Variants in AVIL observed in about 807,000 individuals in gnomAD.
AVIL encodes advillin.
AVIL carries 78 observed loss-of-function variants against 109.9 expected under a neutral mutation model. The observed-to-expected ratio is 0.71, with a 90% CI of 0.59 to 0.86. The LOEUF (loss-of-function observed/expected upper bound fraction) is 0.86, where lower values mean the gene tolerates loss of function less well. Ranked by LOEUF, AVIL falls within the 40% of genes least tolerant of loss-of-function variation. AVIL has a pLI of 0.00. For missense variants in AVIL, 892 were observed against 1,016.5 expected (o/e 0.88, Z 1.67); for synonymous variants, 367 against 379.1 (o/e 0.97, Z 0.37).
chr12:57,808,663 G>A, intron 9 of AVIL, 115 bp from the exon 10 acceptor site: 1 of 1,262,174 alleles, frequency 7.9e-7, no homozygotes, highest in Non-Finnish European at 1.1e-6. Context: ...CCCTCTGGGA[G>A]TCAGAGTCAA....
chr12:57,810,827 C>T lies in AVIL; in HGVS notation c.547G>A (p.Glu183Lys), dbSNP rs1956026995. The T allele has an allele frequency of 6.2e-7, 1 of 1,614,024 alleles. No individual in the cohort carries two copies. Among genetic ancestry groups the T allele is most frequent in the African/African-American group, 1.3e-5 (1 of 74,922 alleles). The change falls in exon 6 of 20, where the codon GAG becomes AAG. Residue 183 changes from glutamate to lysine, a missense_variant. Glu to Lys is a moderately conservative substitution (Grantham distance 56). Coordinates refer to ENST00000549994, the MANE Select transcript of AVIL (RefSeq NM_006576.4). ...QWNGPESNSG[E>K]RLKAMLLAKD... is the part of the protein sequence containing the mutation. ...CTAGGAAGCCATACCTTCAGGCGCT[C>T]CCCACTGTTGCTCTCTGGGCCATTC...
At chr12:57,815,808 C>A in intron 2 of AVIL, 167 bp downstream of exon 2, 1 of 1,494,590 alleles carries the variant, frequency 6.7e-7, no homozygotes, top group South Asian at 1.3e-5. Context: ...CTGCTTTGAG[C>A]ACCCAGGAGA....
intron 4 of AVIL, among the ~76,000 whole-genome samples, chr12:57,812,387 G>T (rs1040174140): frequency 3.3e-5 from 5 of 151,622 alleles, no homozygotes; most frequent in Non-Finnish European, 7.4e-5. Context: ...GTTTGAGATG[G>T]TGTCTTGCTG....
intron 4 of AVIL, 102 bp from the exon 5 acceptor site, chr12:57,811,229 G>A: frequency 6.4e-6 from 7 of 1,089,924 alleles, no homozygotes; most frequent in Non-Finnish European, 8.2e-6. Context: ...TGTGATGACA[G>A]TACATCAGCA....
At chr12:57,815,521 C>T in intron 2 of AVIL, 1 of 1,170,732 alleles carries the variant, frequency 8.5e-7, no homozygotes, top group Non-Finnish European at 1.1e-6. Flanking sequence ...CACAGAGGGT[C>T]CCAAGCCCAA....
chr12:57,818,395 A>G (rs1405877030), intron 1 of AVIL, among the ~76,000 whole-genome samples: 1 of 149,808 alleles, frequency 6.7e-6, no homozygotes, highest in Non-Finnish European at 1.5e-5. Context: ...CTCTAGGGAT[A>G]GGTGAAAGGG....
intron 19 of AVIL, 112 bp from the exon 20 acceptor site, chr12:57,798,107 G>A (rs1484255717): frequency 8.5e-6 from 5 of 586,306 alleles, no homozygotes; most frequent in South Asian, 2.8e-5. Context: ...GAAGAGGGAA[G>A]TAGAATGAAT....
At chr12:57,807,788 A>T (rs1955973702) in intron 11 of AVIL, 61 bp from the exon 12 acceptor site, 14 of 1,605,426 alleles carry the variant, frequency 8.7e-6, no homozygotes, top group African/African-American at 1.3e-5. Context: ...GCTAGGCCAC[A>T]CTAAAGAGAG....
chr12:57,807,437 TC>T lies in AVIL; in HGVS notation c.1384del (p.Glu462ArgfsTer32). Reference protein sequence around the residue: ...ELAASAYQAVEVDRQFDGAAV... With the variant: ...ELAASAYQAVXVDRQFDGAAV... The stretch of plus-strand genomic sequence containing the variant: ...AGCCCCATCAAACTGCCGATCCACC[TC>T]CACTGCCTGGTATGCTGAGGCTGCC... On this transcript the variant is annotated frameshift_variant, in exon 13 of 20. Coordinates refer to ENST00000549994, the MANE Select transcript of AVIL (RefSeq NM_006576.4). LOFTEE classifies it high-confidence loss of function. 1 of 1,614,206 alleles carries T rather than the reference TC, an allele frequency of 6.2e-7. No individual in the cohort carries two copies. Among genetic ancestry groups the T allele is most frequent in the Non-Finnish European group, 8.5e-7 (1 of 1,180,038 alleles).
At position 57,799,888 on chromosome 12, in the gene AVIL, A is replaced by G; in HGVS notation, c.2253T>C (p.Ser751=). The change falls in exon 19 of 20, where the codon TCT becomes TCC. Residue 751 remains serine, a synonymous_variant. Coordinates refer to ENST00000549994, the MANE Select transcript of AVIL (RefSeq NM_006576.4). The part of the protein sequence containing the change: ...DMKNATLSLN[S]NDSEPKYYPI... ...GGTAATATTTTGGCTCACTGTCATT[A>G]GAATTCAGGGAGAGGGTTGCATTCT... The G allele has an allele frequency of 2.5e-6, 4 of 1,614,222 alleles. No homozygotes were observed. The highest frequency in any genetic ancestry group is 3.4e-6 in the Non-Finnish European group (4 of 1,180,038).
intron 19 of AVIL, among the ~76,000 whole-genome samples, chr12:57,798,620 CTTT>C (rs1337769787): frequency 2.1e-5 from 3 of 140,652 alleles, no homozygotes; most frequent in Admixed American, 7.1e-5. Flanking sequence ...CTTTTCTTTT[CTTT>C]TTTTTTTTTT....
intron 7 of AVIL, 55 bp from the exon 8 acceptor site, chr12:57,809,945 T>C: frequency 6.4e-7 from 1 of 1,562,000 alleles, no homozygotes. Context: ...CATCTTGTAG[T>C]CAACTAGATG....
intron 19 of AVIL, among the ~76,000 whole-genome samples, chr12:57,799,070 AGG>A (rs1267758584): frequency 1.3e-5 from 2 of 152,154 alleles, no homozygotes; most frequent in Non-Finnish European, 2.9e-5. Context: ...ATATTACTAG[AGG>A]GGGAAATAGG....
rs369781732 is a variant in AVIL at position 57,810,350 on chromosome 12, G to C, written c.760C>G (p.His254Asp). Residue 254 changes from histidine (H) to aspartate (D), a missense_variant and splice_region_variant, in exon 7 of 20, where the codon CAT (histidine) becomes GAT (aspartate). His to Asp is a moderately conservative substitution (Grantham distance 81). Transcript: ENST00000549994. ...QKQKSTIMLYHISDSAGQLAV... is the reference protein window; with the variant it reads ...QKQKSTIMLYDISDSAGQLAV... The stretch of plus-strand genomic sequence containing the variant: ...CTAAAACCAGGTTGAGCTACTCACT[G>C]ATACAACATGATAGTTGATTTCTGC... 3 of 1,614,176 alleles carry C rather than the reference G, an allele frequency of 1.9e-6. No individual in the cohort carries two copies. The highest frequency in any genetic ancestry group is 2.5e-6 in the Non-Finnish European group (3 of 1,180,012).
chr12:57,810,402 T>C lies in AVIL; in HGVS notation c.708A>G (p.Thr236=), dbSNP rs779942654. The C allele has an allele frequency of 1.2e-6, 2 of 1,614,218 alleles. No homozygotes were observed. The highest frequency in any genetic ancestry group is 3.3e-5 in the Admixed American group (2 of 60,026). Residue 236 remains threonine, a synonymous_variant, in exon 7 of 20, where the codon ACA becomes ACG. Coordinates refer to ENST00000549994, the MANE Select transcript of AVIL (RefSeq NM_006576.4). ...TLGRRSIIKP[T]VPDEIIDQKQ... is the part of the protein sequence containing the mutation. Reference sequence around the variant, plus strand: ...TCTGATCTATGATCTCATCAGGGACTGTAGGCTTGATAATGGAGCGTCGGC... The same window carrying C: ...TCTGATCTATGATCTCATCAGGGACCGTAGGCTTGATAATGGAGCGTCGGC...
At chr12:57,813,189 C>T in intron 4 of AVIL, 38 bp downstream of exon 4, 1 of 1,564,244 alleles carries the variant, frequency 6.4e-7, no homozygotes, top group Non-Finnish European at 8.7e-7. Context: ...CCTCTGTAAA[C>T]TGCTGTTTCT....
intron 1 of AVIL, among the ~76,000 whole-genome samples, chr12:57,817,349 T>G (rs536958344): frequency 6.7e-6 from 1 of 150,186 alleles, no homozygotes; most frequent in African/African-American, 2.5e-5. Flanking sequence ...AAGCCAAGTT[T>G]GGAGAGCATG....
At chr12:57,809,541 C>CCTG in intron 9 of AVIL, 56 bp downstream of exon 9, 1 of 1,587,806 alleles carries the variant, frequency 6.3e-7, no homozygotes, top group Non-Finnish European at 8.6e-7. Context: ...GAGTGACACA[C>CCTG]CTGAAGTGCT....
intron 13 of AVIL, among the ~76,000 whole-genome samples, 185 bp from the exon 14 acceptor site, chr12:57,806,724 A>G (rs1955954108): frequency 6.6e-6 from 1 of 152,216 alleles, no homozygotes; most frequent in Admixed American, 6.5e-5. Context: ...TCATCCTGAG[A>G]ACTTTATCAT....
Sources: gnomAD v4.1 joint callset for allele counts (sites outside exome capture counted in the v4.1 genomes callset) on GRCh38, gnomAD v4.1.1 for gene constraint, MANE v1.5 for transcripts, NCBI Gene and HGNC (gene_info 2026-07-23, HGNC 2026-07-21) for gene names.